ZMAT4: variants seen among roughly 807,000 people sequenced by gnomAD.
The protein encoded by ZMAT4 is zinc finger matrin-type 4.
In ZMAT4, 17 loss-of-function variants were observed where a neutral mutation model predicts 28.7. That is an observed-to-expected ratio of 0.59 (90% CI 0.41 to 0.89). ZMAT4 has a LOEUF of 0.89. ZMAT4 is among the 40% of genes least tolerant of loss of function. The pLI, the probability that ZMAT4 is intolerant of heterozygous loss-of-function variation, is 0.00. For missense variants in ZMAT4, 240 were observed against 283.8 expected, an observed-to-expected ratio of 0.85 and a Z score of 1.11; for synonymous variants, 117 against 109.2, an observed-to-expected ratio of 1.07 and a Z score of -0.44.
At chr8:40,787,683 C>T (rs572116693) in intron 2 of ZMAT4, among the ~76,000 whole-genome samples, 10 of 152,254 alleles carry the variant, frequency 6.6e-5, no homozygotes, top group Middle Eastern at 3.4e-3. Context: ...GGTGAGGCCT[C>T]ATTAGTGGAT....
intron 1 of ZMAT4, among the ~76,000 whole-genome samples, chr8:40,872,925 A>T (rs891977373): frequency 9.2e-5 from 14 of 152,306 alleles, no homozygotes; most frequent in African/African-American, 3.4e-4. Flanking sequence ...AGCCGTCAGC[A>T]GGGTTCAGTC....
intron 5 of ZMAT4, among the ~76,000 whole-genome samples, chr8:40,620,765 T>A (rs888825738): frequency 6.6e-6 from 1 of 152,202 alleles, no homozygotes; most frequent in African/African-American, 2.4e-5. Context: ...GCAGTTACAG[T>A]GCTTAACACA....
intron 4 of ZMAT4, among the ~76,000 whole-genome samples, chr8:40,684,933 A>G (rs1718307919): frequency 6.6e-6 from 1 of 151,892 alleles, no homozygotes; most frequent in Non-Finnish European, 1.5e-5. Context: ...TCTCTATTGA[A>G]CCTCCATTTT....
At chr8:40,638,759 G>C (rs919143655) in intron 5 of ZMAT4, among the ~76,000 whole-genome samples, 1 of 152,182 alleles carries the variant, frequency 6.6e-6, no homozygotes, top group Non-Finnish European at 1.5e-5. Context: ...ACAAACCAGA[G>C]GCTCTGCAAT....
At chr8:40,820,208 TTATG>T (rs1815702311) in intron 2 of ZMAT4, among the ~76,000 whole-genome samples, 1 of 145,730 alleles carries the variant, frequency 6.9e-6, no homozygotes, top group Admixed American at 6.8e-5. Flanking sequence ...ATGTGTGTGT[TTATG>T]TGTGCATTTG....
At chr8:40,810,269 A>G (rs1184198924) in intron 2 of ZMAT4, among the ~76,000 whole-genome samples, 2 of 152,220 alleles carry the variant, frequency 1.3e-5, no homozygotes, top group Non-Finnish European at 2.9e-5. Flanking sequence ...AAAAGCATAC[A>G]CTAAACAAAT....
intron 4 of ZMAT4, among the ~76,000 whole-genome samples, chr8:40,694,991 G>T (rs1213282158): frequency 6.6e-6 from 1 of 152,184 alleles, no homozygotes; most frequent in African/African-American, 2.4e-5. Flanking sequence ...TGCTCAGAGA[G>T]GCCAAGAAGA....
At chr8:40,707,372 G>A (rs1810406312) in intron 3 of ZMAT4, among the ~76,000 whole-genome samples, 1 of 152,170 alleles carries the variant, frequency 6.6e-6, no homozygotes, top group African/African-American at 2.4e-5. Flanking sequence ...AAGTTTAAAA[G>A]AGCAGATTCA....
At chr8:40,760,401 G>C (rs1242079409) in intron 3 of ZMAT4, among the ~76,000 whole-genome samples, 1 of 151,986 alleles carries the variant, frequency 6.6e-6, no homozygotes, top group Non-Finnish European at 1.5e-5. Flanking sequence ...CTCAGGAACC[G>C]AGCCCCTCCT....
chr8:40,741,890 TA>T (rs1812018687), intron 3 of ZMAT4, among the ~76,000 whole-genome samples: 1 of 152,070 alleles, frequency 6.6e-6, no homozygotes, highest in East Asian at 1.9e-4. Flanking sequence ...AAGAAAGCAT[TA>T]AAAATAAAAC....
At chr8:40,626,469 G>A (rs990468) in intron 5 of ZMAT4, among the ~76,000 whole-genome samples, 85,318 of 151,624 alleles carry the variant, frequency 0.56, 25,139 homozygotes, top group East Asian at 0.69. Flanking sequence ...AAAAATTCCT[G>A]AACATATAAA....
At chr8:40,557,074 T>C (rs1803565681) in intron 6 of ZMAT4, among the ~76,000 whole-genome samples, 1 of 152,108 alleles carries the variant, frequency 6.6e-6, no homozygotes, top group African/African-American at 2.4e-5. Context: ...CATACATGAG[T>C]GAGAACATGA....
At chr8:40,691,964 A>T (rs1398223456) in intron 4 of ZMAT4, among the ~76,000 whole-genome samples, 3 of 152,208 alleles carry the variant, frequency 2.0e-5, no homozygotes, top group Non-Finnish European at 4.4e-5. Flanking sequence ...GGGATGATAC[A>T]TTCCTGTTAA....
intron 5 of ZMAT4, among the ~76,000 whole-genome samples, chr8:40,662,780 T>C (rs1373871691): frequency 3.3e-5 from 5 of 152,188 alleles, no homozygotes; most frequent in Non-Finnish European, 7.3e-5. Flanking sequence ...GAGTTCCCAA[T>C]AGGAAACGTT....
chr8:40,825,996 C>G (rs778829950), intron 1 of ZMAT4, among the ~76,000 whole-genome samples: 1 of 152,184 alleles, frequency 6.6e-6, no homozygotes, highest in Non-Finnish European at 1.5e-5. Flanking sequence ...CCGTGGCTCA[C>G]GCCTGTAGTC....
At chr8:40,689,361 T>C (rs557317977) in intron 4 of ZMAT4, among the ~76,000 whole-genome samples, 22 of 152,354 alleles carry the variant, frequency 1.4e-4, no homozygotes, top group African/African-American at 5.0e-4. Context: ...GTCTTCTCAC[T>C]AACCTTCAGG....
chr8:40,705,083 T>C (rs1330991552), intron 3 of ZMAT4, among the ~76,000 whole-genome samples: 1 of 152,162 alleles, frequency 6.6e-6, no homozygotes, highest in Non-Finnish European at 1.5e-5. Flanking sequence ...GAAATGGTAA[T>C]TTTTGACAAT....
At chr8:40,635,770 T>C (rs1806768090) in intron 5 of ZMAT4, among the ~76,000 whole-genome samples, 1 of 152,164 alleles carries the variant, frequency 6.6e-6, no homozygotes, top group African/African-American at 2.4e-5. Flanking sequence ...GTCACAGCCA[T>C]GAAAAGGCCC....
At chr8:40,852,363 T>A (rs1255515257) in intron 1 of ZMAT4, among the ~76,000 whole-genome samples, 2 of 152,158 alleles carry the variant, frequency 1.3e-5, no homozygotes, top group East Asian at 3.8e-4. Context: ...TTTAGAAAAA[T>A]TATGAGAAGA....
Sources: allele counts gnomAD v4.1 joint callset (sites outside exome capture counted in the v4.1 genomes callset), GRCh38; gene constraint gnomAD v4.1.1; transcripts MANE v1.5; gene names NCBI Gene and HGNC (gene_info 2026-07-23, HGNC 2026-07-21).